The following KANK1 variants were observed in gnomAD, a reference collection of about 807,000 sequenced individuals.
KANK1 encodes the protein KN motif and ankyrin repeat domains 1, also known as KN motif and ankyrin repeat domain-containing protein 1.
Under a neutral mutation model 106.2 loss-of-function variants are expected in KANK1, and 109 were observed. The ratio of observed to expected loss-of-function variants is 1.03; its 90% CI spans 0.88 to 1.20. The LOEUF (loss-of-function observed/expected upper bound fraction) is 1.20. KANK1 is among the 50% of genes most tolerant of loss of function. The pLI is 0.00. For missense variants in KANK1, 2,399 were observed against 1,710.7 expected (o/e 1.40, Z -7.10); for synonymous variants, 873 against 652.2 (o/e 1.34, Z -5.16).
intron 1 of KANK1, among the ~76,000 whole-genome samples, chr9:580,160 G>A (rs973787697): frequency 4.6e-5 from 7 of 151,896 alleles, no homozygotes; most frequent in African/African-American, 1.5e-4. Flanking sequence ...GCAGACCTTC[G>A]CGGTGAGTGT....
intron 3 of KANK1, 67 bp from the exon 4 acceptor site, chr9:729,984 G>GT (rs1422471272): frequency 2.9e-6 from 4 of 1,377,338 alleles, no homozygotes; most frequent in Non-Finnish European, 4.0e-6. Flanking sequence ...GGCAAGAATT[G>GT]TTTTTGTTGA....
At position 517,783 on chromosome 9, in the gene KANK1, G is replaced by C. The variant is rs140582929; in HGVS notation, c.-84+13029G>C. 1.6e-3 allele frequency among the ~76,000 whole-genome samples: 237 copies of C among 148,968 alleles called. 6 individuals are homozygous for C. The highest frequency in any genetic ancestry group is 5.6e-3 in the African/African-American group (222 of 39,522). ...AGACAGAGTCTCGCTCTGTCACCCA[G>C]GTTGGAGTAAAGTGGCGTGATCTCG... On this transcript the variant is annotated intron_variant, in intron 1 of 11. Transcript: ENST00000382297.
At chr9:586,413 G>T (rs1823480706) in intron 1 of KANK1, among the ~76,000 whole-genome samples, 1 of 152,200 alleles carries the variant, frequency 6.6e-6, no homozygotes, top group African/African-American at 2.4e-5. Context: ...AACAGATGAG[G>T]TATGCCAAGG....
chr9:592,793 G>A (rs1825293611), intron 1 of KANK1, among the ~76,000 whole-genome samples: 1 of 151,868 alleles, frequency 6.6e-6, no homozygotes, highest in Non-Finnish European at 1.5e-5. Flanking sequence ...TTGTTTATTA[G>A]AGAGTCCTTA....
At chr9:628,491 T>C (rs1834891568) in intron 1 of KANK1, among the ~76,000 whole-genome samples, 2 of 152,246 alleles carry the variant, frequency 1.3e-5, no homozygotes, top group Non-Finnish European at 2.9e-5. Flanking sequence ...AAAGTTGCCA[T>C]GGAAGTTCAT....
chr9:505,220 T>A (rs1001423178), intron 1 of KANK1, among the ~76,000 whole-genome samples: 1 of 151,658 alleles, frequency 6.6e-6, no homozygotes, highest in Non-Finnish European at 1.5e-5. Context: ...CTCCGTGGAG[T>A]TGGATGTTGC....
At chr9:536,140 C>T (rs181733645) in intron 1 of KANK1, among the ~76,000 whole-genome samples, 2 of 152,054 alleles carry the variant, frequency 1.3e-5, no homozygotes, top group Non-Finnish European at 2.9e-5. Flanking sequence ...GAGTTAAAGA[C>T]CATCCTGGTT....
At chr9:518,305 C>T (rs527266870) in intron 1 of KANK1, among the ~76,000 whole-genome samples, 12 of 151,872 alleles carry the variant, frequency 7.9e-5, no homozygotes, top group South Asian at 4.1e-4. Flanking sequence ...TGGCTTAAAG[C>T]GGTTGTTCAC....
In KANK1 at chr9:713,006, G is replaced by A. The variant is rs774294306; in HGVS notation, c.2240G>A (p.Gly747Glu). 6.2e-7 allele frequency: 1 copy of A among 1,614,178 alleles called. No individual in the cohort carries two copies. Among genetic ancestry groups the A allele is most frequent in the Non-Finnish European group, 8.5e-7 (1 of 1,180,032 alleles). The change falls in exon 3 of 12, where the codon GGG (glycine) becomes GAG (glutamate). Residue 747 changes from glycine to glutamate, a missense_variant. Transcript: ENST00000382297. The part of the protein sequence containing the change: ...GVGTLLSGHS[G>E]FDRPSAVKTK... ...GGAACGTTGCTTTCTGGCCATTCTG[G>A]GTTTGACAGGCCATCAGCTGTGAAG...
chr9:737,115 T>C (rs1439632940), intron 7 of KANK1, among the ~76,000 whole-genome samples: 1 of 152,218 alleles, frequency 6.6e-6, no homozygotes, highest in African/African-American at 2.4e-5. Flanking sequence ...TAGATAATCA[T>C]GTCAGGACAC....
At chr9:696,140 C>G (rs750750926) in intron 2 of KANK1, among the ~76,000 whole-genome samples, 1 of 152,004 alleles carries the variant, frequency 6.6e-6, no homozygotes, top group Admixed American at 6.6e-5. Flanking sequence ...AAAAATTAGC[C>G]GGGCGTGGTG....
At chr9:675,120 C>G (rs1816128509) in intron 1 of KANK1, among the ~76,000 whole-genome samples, 1 of 152,148 alleles carries the variant, frequency 6.6e-6, no homozygotes, top group South Asian at 2.1e-4. Context: ...AATTACTTCT[C>G]ATCGTTTAAA....
At position 518,360 on chromosome 9, in the gene KANK1, T is replaced by C. The variant is rs147135170; in HGVS notation, c.-84+13606T>C. Among the ~76,000 whole-genome samples, 417 of 151,644 alleles carry C rather than the reference T, an allele frequency of 2.7e-3. 13 individuals are homozygous for C. Among genetic ancestry groups the C allele is most frequent in the African/African-American group, 9.4e-3 (384 of 41,006 alleles). On this transcript the variant is annotated intron_variant, in intron 1 of 11. Transcript: ENST00000382297. ...AGCTCCGCTCCCAGGCTGGGTTGTG[T>C]CATCCCGAGCCTCCCCTTCTCCCTC...
At chr9:672,563 G>A (rs201883314) in intron 1 of KANK1, among the ~76,000 whole-genome samples, 1 of 122,958 alleles carries the variant, frequency 8.1e-6, no homozygotes, top group Admixed American at 8.3e-5. Context: ...ATTATCATCA[G>A]CATTATCTTG....
intron 8 of KANK1, among the ~76,000 whole-genome samples, chr9:739,894 C>T (rs534609353): frequency 9.2e-4 from 140 of 152,048 alleles, no homozygotes; most frequent in African/African-American, 3.1e-3. Flanking sequence ...GAAGCGCACA[C>T]GAATTCACCT....
intron 1 of KANK1, among the ~76,000 whole-genome samples, chr9:554,786 C>A (rs1388608473): frequency 6.6e-6 from 1 of 152,120 alleles, no homozygotes; most frequent in Non-Finnish European, 1.5e-5. Flanking sequence ...AAAACAGAAT[C>A]CTATAAATAG....
chr9:697,526 A>G (rs1588997925), intron 2 of KANK1, among the ~76,000 whole-genome samples: 1 of 152,150 alleles, frequency 6.6e-6, no homozygotes, highest in Non-Finnish European at 1.5e-5. Flanking sequence ...TTCTGAGACG[A>G]CATCAGTATC....
chr9:501,947 C>G (rs962640380), upstream of KANK1, among the ~76,000 whole-genome samples: 2 of 152,166 alleles, frequency 1.3e-5, no homozygotes, highest in African/African-American at 2.4e-5. Flanking sequence ...GTAAACGGTT[C>G]TATTCAAAGA....
intron 3 of KANK1, chr9:476,762 G>T (rs1056806675): frequency 6.6e-6 from 1 of 152,228 alleles, no homozygotes; most frequent in East Asian, 1.9e-4. Context: ...AAATAATATT[G>T]GTTGCCATTT....
Sources: allele counts gnomAD v4.1 joint callset (sites outside exome capture counted in the v4.1 genomes callset), GRCh38; gene constraint gnomAD v4.1.1; transcripts MANE v1.5; gene names NCBI Gene and HGNC (gene_info 2026-07-23, HGNC 2026-07-21).